The following TDRD5 variants were observed in gnomAD, a reference collection of about 807,000 sequenced individuals.
TDRD5 encodes tudor domain containing 5, also known as tudor domain-containing protein 5.
In TDRD5, 41 loss-of-function variants were observed where a neutral mutation model predicts 120.6. That is an observed-to-expected ratio of 0.34 (90% CI 0.26 to 0.44). The LOEUF (loss-of-function observed/expected upper bound fraction) is 0.44, where lower values mean the gene tolerates loss of function less well. TDRD5 is among the 20% of genes least tolerant of loss of function. TDRD5 has a pLI of 1.00. For missense variants in TDRD5, 1,006 were observed against 1,221.2 expected (o/e 0.82, Z 2.63); for synonymous variants, 430 against 433.7 (o/e 0.99, Z 0.11).
chr1:179,691,096 AG>A lies in TDRD5; in HGVS notation c.*154del. On this transcript the variant is annotated 3_prime_UTR_variant, in exon 18 of 18. Transcript: ENST00000444136. The stretch of plus-strand genomic sequence containing the variant: ...TATATGTTAGCTTTATTATGCTAAC[AG>A]TCTACTTTGATGTGTAAGTAAGTAT... 3.0e-6 allele frequency: 3 copies of A among 1,006,066 alleles called. No homozygotes were observed. Among genetic ancestry groups the A allele is most frequent in the Non-Finnish European group, 4.2e-6 (3 of 716,340 alleles). The allele number at this position is 1,006,066 out of a possible 1,614,324, so 62.3% of individuals were successfully genotyped here. A position where few individuals can be genotyped will look rare whatever the true frequency, so the allele number is the denominator to read the frequency against.
At chr1:179,635,940 T>C (rs1470858184) in intron 9 of TDRD5, 53 bp downstream of exon 9, 1 of 1,524,316 alleles carries the variant, frequency 6.6e-7, no homozygotes, top group East Asian at 2.3e-5. Context: ...AAATCAACAG[T>C]TCTCAAACAT....
At chr1:179,653,907 A>G (rs1678851901) in intron 13 of TDRD5, among the ~76,000 whole-genome samples, 1 of 152,214 alleles carries the variant, frequency 6.6e-6, no homozygotes, top group Non-Finnish European at 1.5e-5. Flanking sequence ...TGGAAGACTG[A>G]TTCTAGGTCT....
Position 179,634,504 on chromosome 1 carries a change from C to A in TDRD5, c.1174C>A (p.Pro392Thr). The A allele has an allele frequency of 6.2e-7, 1 of 1,611,266 alleles. No individual in the cohort carries two copies. Among genetic ancestry groups the A allele is most frequent in the Non-Finnish European group, 8.5e-7 (1 of 1,179,428 alleles). Reference sequence around the variant, plus strand: ...AGCCAAAGCTTGTGTCTCCAGTCCACCTAGAAATTCATTGTCTACTGCTGC... The same window carrying A: ...AGCCAAAGCTTGTGTCTCCAGTCCAACTAGAAATTCATTGTCTACTGCTGC... ...IEAKACVSSPPRNSLSTAAVK... is the reference protein window; with the variant it reads ...IEAKACVSSPTRNSLSTAAVK... The change falls in exon 8 of 18, where the codon CCT (proline) becomes ACT (threonine). Residue 392 changes from proline to threonine, a missense_variant. Around this residue, in one of 3 missense-constraint regions of TDRD5, gnomAD observed 445 missense variants for 515.5 expected, o/e 0.86. Transcript: ENST00000444136.
At chr1:179,686,525 A>C (rs937447867) in intron 17 of TDRD5, among the ~76,000 whole-genome samples, 2 of 152,172 alleles carry the variant, frequency 1.3e-5, no homozygotes, top group Non-Finnish European at 1.5e-5. Flanking sequence ...TGTCTCTGCC[A>C]GGCTTTGGTA....
intron 6 of TDRD5, among the ~76,000 whole-genome samples, chr1:179,626,277 G>A (rs554973192): frequency 6.6e-6 from 1 of 152,170 alleles, no homozygotes; most frequent in Admixed American, 6.5e-5. Flanking sequence ...GGATGAATCT[G>A]AAAAATAGTT....
In TDRD5 at chr1:179,690,891, C is replaced by T. The variant is rs769910861; in HGVS notation, c.3056C>T (p.Thr1019Ile). 3.7e-6 allele frequency: 6 copies of T among 1,614,012 alleles called. No individual in the cohort carries two copies. The highest frequency in any genetic ancestry group is 3.3e-5 in the Admixed American group (2 of 60,002). The change falls in exon 18 of 18, where the codon ACA (threonine) becomes ATA (isoleucine). Residue 1019 changes from threonine to isoleucine, a missense_variant. Thr to Ile is a moderately conservative substitution (Grantham distance 89, BLOSUM62 -1). Around this residue, in one of 3 missense-constraint regions of TDRD5, gnomAD observed 403 missense variants for 448.1 expected, o/e 0.90. Coordinates refer to ENST00000444136, the MANE Select transcript of TDRD5 (RefSeq NM_001199085.3). ...AALGAAARLATSRSLLHWYPS... is the reference protein window; with the variant it reads ...AALGAAARLAISRSLLHWYPS... ...TTAGGTGCTGCCGCACGGTTAGCTA[C>T]ATCCAGGAGCCTCCTACACTGGTAC...
chr1:179,643,993 T>C (rs1678201284), intron 11 of TDRD5, among the ~76,000 whole-genome samples: 1 of 151,952 alleles, frequency 6.6e-6, no homozygotes, highest in Non-Finnish European at 1.5e-5. Context: ...AATAACTAAC[T>C]GCCCATTGAA....
rs1005912251 is a variant in TDRD5 at position 179,635,831 on chromosome 1, C to T, written c.1464C>T (p.Ile488=). ...TCATCTCTCCTAGTCAATTCTACATCCGGATCTATAGCAGGGATTCGTCAG... is the reference window on the plus strand; with the variant it reads ...TCATCTCTCCTAGTCAATTCTACATTCGGATCTATAGCAGGGATTCGTCAG... ...EYIISPSQFY[I]RIYSRDSSEL... The change falls in exon 9 of 18, where the codon ATC becomes ATT. Residue 488 remains isoleucine, a synonymous_variant. Transcript: ENST00000444136. 2.5e-6 allele frequency: 4 copies of T among 1,613,748 alleles called. No homozygotes were observed. The African/African-American group carries it at 5.3e-5, about 22-fold the overall frequency.
chr1:179,620,949 T>G (rs1676810135), intron 5 of TDRD5, 86 bp from the exon 6 acceptor site: 10 of 1,052,386 alleles, frequency 9.5e-6, no homozygotes, highest in Non-Finnish European at 1.2e-5. Context: ...ACTTTTGCCT[T>G]TGTTGTTATT....
rs1367202343 is a variant in TDRD5 at position 179,666,643 on chromosome 1, C to T, written c.2650-2551C>T. ...CCCTATGCCGTTTTCTTACTCCTTC[C>T]CATGTTTTCATTTATCTTAGTATGT... On this transcript the variant is annotated intron_variant, in intron 16 of 17. Transcript: ENST00000444136. 2.6e-5 allele frequency among the ~76,000 whole-genome samples: 4 copies of T among 152,258 alleles called. No homozygotes were observed. In the East Asian group the frequency reaches 7.7e-4, roughly 29 times the overall value.
intron 17 of TDRD5, among the ~76,000 whole-genome samples, chr1:179,675,514 C>T (rs1046413910): frequency 2.0e-5 from 3 of 151,166 alleles, no homozygotes; most frequent in African/African-American, 4.9e-5. Context: ...CTCCTGACCT[C>T]GTGATCCGCC....
intron 17 of TDRD5, among the ~76,000 whole-genome samples, chr1:179,683,268 A>G (rs574592704): frequency 1.3e-4 from 20 of 152,282 alleles, no homozygotes; most frequent in African/African-American, 4.3e-4. Flanking sequence ...CTGTTGTTTC[A>G]TACATTTTGT....
chr1:179,668,237 T>C (rs1679654277), intron 16 of TDRD5, among the ~76,000 whole-genome samples: 1 of 152,218 alleles, frequency 6.6e-6, no homozygotes, highest in South Asian at 2.1e-4. Flanking sequence ...TCTCAAACCC[T>C]GGCCTTTTTG....
At chr1:179,605,714 T>C (rs1392481741) in intron 4 of TDRD5, among the ~76,000 whole-genome samples, 2 of 152,196 alleles carry the variant, frequency 1.3e-5, no homozygotes, top group Admixed American at 1.3e-4. Flanking sequence ...GTTGGACTTC[T>C]ACAGCATGTA....
At chr1:179,593,399 T>C in intron 2 of TDRD5, 61 bp from the exon 3 acceptor site, 1 of 1,526,626 alleles carries the variant, frequency 6.6e-7, no homozygotes, top group South Asian at 1.3e-5. Flanking sequence ...ACACAGATAC[T>C]AAGGATAAAG....
chr1:179,668,357 T>G (rs1192303010), intron 16 of TDRD5, among the ~76,000 whole-genome samples: 1 of 152,198 alleles, frequency 6.6e-6, no homozygotes, highest in Non-Finnish European at 1.5e-5. Context: ...CCTGTCTGAC[T>G]GGGAGGTGGT....
chr1:179,630,975 A>G, intron 7 of TDRD5, 55 bp downstream of exon 7: 1 of 1,500,056 alleles, frequency 6.7e-7, no homozygotes, highest in Admixed American at 2.1e-5. Context: ...TTATGAGGAC[A>G]AAGAGAAAAC....
At chr1:179,668,741 CTTT>C (rs35873475) in intron 16 of TDRD5, among the ~76,000 whole-genome samples, 9 of 110,322 alleles carry the variant, frequency 8.2e-5, no homozygotes, top group Admixed American at 4.1e-4. Context: ...TATCTAGGTT[CTTT>C]TTTTTTTTTT....
chr1:179,641,642 T>C (rs999901923), intron 11 of TDRD5, among the ~76,000 whole-genome samples: 11 of 152,204 alleles, frequency 7.2e-5, no homozygotes, highest in Non-Finnish European at 1.3e-4. Context: ...TTTTATTGGA[T>C]GTTGGGAGCG....
Sources: allele counts gnomAD v4.1 joint callset (sites outside exome capture counted in the v4.1 genomes callset), GRCh38; gene constraint gnomAD v4.1.1; regional missense constraint gnomAD v4.1.1; transcripts MANE v1.5; gene names NCBI Gene and HGNC (gene_info 2026-07-23, HGNC 2026-07-21).